UPK1A: variants seen among roughly 807,000 people sequenced by gnomAD.
The protein encoded by UPK1A is uroplakin 1A.
In UPK1A, 31 loss-of-function variants were observed where a neutral mutation model predicts 32.3. That is an observed-to-expected ratio of 0.96 (90% CI 0.72 to 1.30). The LOEUF (loss-of-function observed/expected upper bound fraction) is 1.30. Ranked by LOEUF, UPK1A falls within the 50% of genes most tolerant of loss-of-function variation. UPK1A has a pLI of 0.00. For synonymous variants in UPK1A, 135 were observed against 137.1 expected (o/e 0.98, Z 0.11); for missense variants, 340 against 357.4 (o/e 0.95, Z 0.39).
At chr19:35,677,317 G>T (rs977369784) in intron 6 of UPK1A, among the ~76,000 whole-genome samples, 3 of 151,286 alleles carry the variant, frequency 2.0e-5, no homozygotes, top group Non-Finnish European at 4.4e-5. Context: ...CACAAGATCA[G>T]GAGTTCGAGA....
chr19:35,676,253 C>T, intron 6 of UPK1A: 2 of 659,736 alleles, frequency 3.0e-6, no homozygotes, highest in Admixed American at 2.4e-5. Context: ...TACAGTGGCA[C>T]AATCTCAGCT....
At chr19:35,673,240 G>A (rs770256641) in exon 4 of UPK1A, 1 of 1,614,066 alleles carries the variant, frequency 6.2e-7, no homozygotes, top group East Asian at 2.2e-5. Flanking sequence ...AGTACCTGGT[G>A]CTCATGCTCA....
chr19:35,672,724 T>A (rs1968121657), intron 3 of UPK1A, among the ~76,000 whole-genome samples: 1 of 152,174 alleles, frequency 6.6e-6, no homozygotes, highest in Non-Finnish European at 1.5e-5. Flanking sequence ...CCACTAGTAG[T>A]AACTATGCTT....
At chr19:35,667,584 C>T (rs376773442) in intron 2 of UPK1A, among the ~76,000 whole-genome samples, 5 of 152,158 alleles carry the variant, frequency 3.3e-5, no homozygotes, top group East Asian at 3.9e-4. Context: ...TCCTCCACCT[C>T]CTGGGCTCCA....
At chr19:35,676,290 A>G in intron 6 of UPK1A, 1 of 596,866 alleles carries the variant, frequency 1.7e-6, no homozygotes. Context: ...TCCCGGGTTC[A>G]AGGGATTCTC....
chr19:35,666,752 T>TG, intron 1 of UPK1A, 57 bp from the exon 2 acceptor site: 2 of 1,562,140 alleles, frequency 1.3e-6, no homozygotes, highest in African/African-American at 1.4e-5. Context: ...GGCTCAGAGA[T>TG]GGGGGGTCCG....
At position 35,673,309 on chromosome 19, in the gene UPK1A, G is replaced by C; in HGVS notation, c.360+3G>C. 1 of 1,614,016 alleles carries C rather than the reference G, an allele frequency of 6.2e-7. No homozygotes were observed. Among genetic ancestry groups the C allele is most frequent in the Non-Finnish European group, 8.5e-7 (1 of 1,179,996 alleles). ...CGTCCTACACCCACCGTGACTACGT[G>C]AGCCCGGCGAGGCCTGGGGAGGGGC... On this transcript the variant is annotated splice_donor_region_variant and intron_variant, in intron 4 of 7. Transcript: ENST00000617999.
rs1431243113 is a variant in UPK1A at position 35,666,802 on chromosome 19, G to A, written c.-4-7G>A. Reference sequence around the variant, plus strand: ...CTCCTGGCCTCATCCCTGCTCATGTGTCCCAGGATGATGGCGTCTGCGGCA... The same window carrying A: ...CTCCTGGCCTCATCCCTGCTCATGTATCCCAGGATGATGGCGTCTGCGGCA... On this transcript the variant is annotated splice_polypyrimidine_tract_variant and splice_region_variant and intron_variant, in intron 1 of 7. Transcript: ENST00000617999. The A allele has an allele frequency of 1.2e-6, 2 of 1,614,056 alleles. No homozygotes were observed. The highest frequency in any genetic ancestry group is 8.5e-7 in the Non-Finnish European group (1 of 1,179,922).
chr19:35,670,656 C>T (rs1430722417), intron 3 of UPK1A, among the ~76,000 whole-genome samples: 3 of 141,688 alleles, frequency 2.1e-5, no homozygotes, highest in Admixed American at 7.2e-5. Flanking sequence ...GAGCCATGGA[C>T]TTCCTTCCCT....
At chr19:35,669,668 C>T (rs1181912314) in intron 3 of UPK1A, among the ~76,000 whole-genome samples, 1 of 152,054 alleles carries the variant, frequency 6.6e-6, no homozygotes, top group African/African-American at 2.4e-5. Flanking sequence ...GAGACTCCAT[C>T]TCAAAAAAAA....
chr19:35,677,790 C>G, intron 6 of UPK1A, 22 bp from the exon 7 acceptor site: 1 of 1,611,982 alleles, frequency 6.2e-7, no homozygotes, highest in Non-Finnish European at 8.5e-7. Flanking sequence ...TCTTCTCAAA[C>G]TTCCCCCATC....
At chr19:35,678,137 C>T (rs1263433232) in exon 8 of UPK1A, 25 of 1,259,496 alleles carry the variant, frequency 2.0e-5, no homozygotes, top group African/African-American at 3.0e-5. Flanking sequence ...CTAGCCCTTA[C>T]GTCCTTCCAC....
chr19:35,673,644 A>G (rs1043709009), intron 5 of UPK1A, 99 bp downstream of exon 5: 4 of 1,021,608 alleles, frequency 3.9e-6, no homozygotes, highest in Non-Finnish European at 5.8e-6. Context: ...TGAGTGCCTT[A>G]AAGACATCCG....
Position 35,676,028 on chromosome 19 carries a change from G to GCTCCA in UPK1A, c.648+9_648+10insCTCCA. ...ACTACCTGTTCACCAAGGTGTGGCC[G>GCTCCA]TCTGCCCTGCTCCATCTGTCTATCC... is the stretch of plus-strand genomic sequence containing the variant. On this transcript the variant is annotated intron_variant, in intron 6 of 7. Coordinates refer to ENST00000617999, the Ensembl canonical transcript of UPK1A. 2 of 1,609,714 alleles carry GCTCCA rather than the reference G, an allele frequency of 1.2e-6. No individual in the cohort carries two copies. The highest frequency in any genetic ancestry group is 1.1e-5 in the South Asian group (1 of 90,384).
At chr19:35,672,525 C>T (rs1251168324) in intron 3 of UPK1A, among the ~76,000 whole-genome samples, 1 of 151,968 alleles carries the variant, frequency 6.6e-6, no homozygotes, top group Non-Finnish European at 1.5e-5. Flanking sequence ...GTCTCAACCT[C>T]CCAAAGTGTT....
At chr19:35,673,293 C>T (rs947648846) in exon 4 of UPK1A, 1 of 1,613,968 alleles carries the variant, frequency 6.2e-7, no homozygotes, top group African/African-American at 1.3e-5. Context: ...ACGTCCTACA[C>T]CCACCGTGAC....
intron 3 of UPK1A, among the ~76,000 whole-genome samples, chr19:35,669,901 T>C (rs1968060307): frequency 6.6e-6 from 1 of 152,192 alleles, no homozygotes; most frequent in Admixed American, 6.6e-5. Context: ...GCCACTCATT[T>C]GATGAACAAA....
chr19:35,668,097 T>C, intron 2 of UPK1A: 1 of 336,748 alleles, frequency 3.0e-6, no homozygotes, highest in Admixed American at 4.2e-5. Flanking sequence ...CCATTTGTAA[T>C]GTTTATGGCC....
intron 3 of UPK1A, among the ~76,000 whole-genome samples, chr19:35,670,530 C>CCTCGCCTCCT (rs1968075313): frequency 1.3e-5 from 1 of 76,674 alleles, no homozygotes; most frequent in East Asian, 5.0e-4. Context: ...TCTCCCCTCC[C>CCTCGCCTCCT]CTCCCCTCCT....
Sources: allele counts gnomAD v4.1 joint callset (sites outside exome capture counted in the v4.1 genomes callset), GRCh38; gene constraint gnomAD v4.1.1; transcripts MANE v1.5; gene names NCBI Gene and HGNC (gene_info 2026-07-23, HGNC 2026-07-21).